Variants in MB21D2 observed in about 807,000 individuals in gnomAD.
MB21D2 encodes Mab-21 domain containing 2.
MB21D2 carries 9 observed loss-of-function variants against 33.3 expected under a neutral mutation model. The ratio of observed to expected loss-of-function variants is 0.27; its 90% confidence interval spans 0.16 to 0.47. MB21D2 has a LOEUF of 0.47. Among genes scored for constraint, MB21D2 ranks in the 20% least tolerant of loss-of-function variants. The pLI is 0.99. For synonymous variants in MB21D2, 241 were observed against 236.3 expected (o/e 1.02, Z -0.18); for missense variants, 540 against 624.6 (o/e 0.86, Z 1.44).
At chr3:192,884,370 T>G (rs781210092) in intron 1 of MB21D2, among the ~76,000 whole-genome samples, 1 of 151,942 alleles carries the variant, frequency 6.6e-6, no homozygotes, top group African/African-American at 2.4e-5. Context: ...GCATGTCTTT[T>G]TTGTTGTTGT....
chr3:192,799,058 G>A lies in MB21D2; in HGVS notation c.804C>T (p.Ile268=). The part of the protein sequence containing the change: ...WDGKITEEEV[I]SGFYLVPACS... ...AAGCAGGCACCAAGTAAAACCCACT[G>A]ATGACCTCTTCCTCAGTAATCTTCC... The change falls in exon 2 of 2, where the codon ATC becomes ATT. Residue 268 remains isoleucine, a synonymous_variant. Coordinates refer to ENST00000392452, the MANE Select transcript of MB21D2 (RefSeq NM_178496.4). The surrounding 1 kb of genome is among the most constrained non-coding windows in gnomAD (Gnocchi z 4.1). 2 of 1,614,070 alleles carry A rather than the reference G, an allele frequency of 1.2e-6. No homozygotes were observed. The highest frequency in any genetic ancestry group is 1.1e-5 in the South Asian group (1 of 91,066).
intron 1 of MB21D2, among the ~76,000 whole-genome samples, chr3:192,908,399 C>CTTT (rs201114331): frequency 2.2e-5 from 3 of 137,880 alleles, no homozygotes; most frequent in Admixed American, 7.3e-5. Flanking sequence ...AAATTTTCTT[C>CTTT]TTTTTTTTTT....
In MB21D2 at chr3:192,828,491, G is replaced by A. The variant is rs1577175161; in HGVS notation, c.212-28841C>T. Among the ~76,000 whole-genome samples the A allele has an allele frequency of 4.0e-5, 6 of 149,162 alleles. No individual in the cohort carries two copies. In the South Asian group the frequency reaches 1.1e-3, roughly 26 times the overall value. On this transcript the variant is annotated intron_variant, in intron 1 of 1. Coordinates refer to ENST00000392452, the MANE Select transcript of MB21D2 (RefSeq NM_178496.4). ...CAAGTCATTTCCTCATCTGGGGCCT[G>A]TTTTCTCATTTGGAAAATGGTAGAT...
At position 192,832,249 on chromosome 3, in the gene MB21D2, T is replaced by C. The variant is rs181512288; in HGVS notation, c.212-32599A>G. The stretch of plus-strand genomic sequence containing the variant: ...AACACTGATCTAAACAAGATAATAT[T>C]GACACACTTACTGATATTTTTTCTT... On this transcript the variant is annotated intron_variant, in intron 1 of 1. Transcript: ENST00000392452. 2.7e-3 allele frequency among the ~76,000 whole-genome samples: 410 copies of C among 152,280 alleles called. 4 individuals are homozygous for C. Among genetic ancestry groups the C allele is most frequent in the Admixed American group, 0.023 (355 of 15,288 alleles).
intron 1 of MB21D2, among the ~76,000 whole-genome samples, chr3:192,869,343 G>A (rs143077087): frequency 0.098 from 12,450 of 127,594 alleles, 758 homozygotes; most frequent in Non-Finnish European, 0.15. Context: ...GGAGGGAAGG[G>A]AGGAAGGGAG....
intron 1 of MB21D2, among the ~76,000 whole-genome samples, chr3:192,819,668 AAAAT>A (rs2108615702): frequency 6.6e-6 from 1 of 152,352 alleles, no homozygotes; most frequent in East Asian, 1.9e-4. Context: ...CCTCAGCAGA[AAAAT>A]AAATCAGTGC....
chr3:192,856,984 A>G (rs6803933), intron 1 of MB21D2, among the ~76,000 whole-genome samples: 2 of 152,224 alleles, frequency 1.3e-5, no homozygotes, highest in African/African-American at 2.4e-5. Context: ...CTAAAACATA[A>G]GCAAAGGAAA....
intron 1 of MB21D2, among the ~76,000 whole-genome samples, chr3:192,843,709 T>C (rs1712621371): frequency 6.6e-6 from 1 of 152,160 alleles, no homozygotes; most frequent in Non-Finnish European, 1.5e-5. Context: ...ACTTTCTGGC[T>C]TTACCACTTA....
chr3:192,875,048 T>C (rs1713400343), intron 1 of MB21D2, among the ~76,000 whole-genome samples: 1 of 152,084 alleles, frequency 6.6e-6, no homozygotes, highest in Non-Finnish European at 1.5e-5. Context: ...CTATTTATCC[T>C]AATTTGGGTG....
At chr3:192,831,239 C>G (rs1712308287) in intron 1 of MB21D2, among the ~76,000 whole-genome samples, 2 of 152,130 alleles carry the variant, frequency 1.3e-5, no homozygotes, top group East Asian at 3.9e-4. Flanking sequence ...GGGGATGAGC[C>G]GAGGCCTCCC....
chr3:192,886,939 G>A lies in MB21D2; in HGVS notation c.211+30691C>T, dbSNP rs531807943. On this transcript the variant is annotated intron_variant, in intron 1 of 1. Coordinates refer to ENST00000392452, the MANE Select transcript of MB21D2 (RefSeq NM_178496.4). ...TCTGTTTTCTGAAATTAGAAGACTGGAAATTACAAAGTCTTCATTTAAAAT... is the reference window on the plus strand; with the variant it reads ...TCTGTTTTCTGAAATTAGAAGACTGAAAATTACAAAGTCTTCATTTAAAAT... Among the ~76,000 whole-genome samples the A allele has an allele frequency of 3.3e-5, 5 of 151,520 alleles. No individual in the cohort carries two copies. The East Asian group carries it at 9.7e-4, about 29-fold the overall frequency.
chr3:192,831,655 T>A (rs978515467), intron 1 of MB21D2, among the ~76,000 whole-genome samples: 1 of 152,142 alleles, frequency 6.6e-6, no homozygotes, highest in African/African-American at 2.4e-5. Flanking sequence ...ATCACTAGAA[T>A]AGTGAAAAAT....
At chr3:192,900,735 G>C (rs367768508) in intron 1 of MB21D2, among the ~76,000 whole-genome samples, 109 of 152,264 alleles carry the variant, frequency 7.2e-4, no homozygotes, top group Middle Eastern at 3.4e-3. Flanking sequence ...GAGGTCAGGA[G>C]TTCGAGACAA....
intron 1 of MB21D2, among the ~76,000 whole-genome samples, chr3:192,870,731 AGAAG>A (rs71177381): frequency 6.8e-5 from 9 of 132,800 alleles, no homozygotes; most frequent in Admixed American, 4.9e-4. Flanking sequence ...GAAGGAGAGA[AGAAG>A]GAAGGAAGGA....
At position 192,902,374 on chromosome 3, in the gene MB21D2, C is replaced by G. The variant is rs577113106; in HGVS notation, c.211+15256G>C. On this transcript the variant is annotated intron_variant, in intron 1 of 1. Coordinates refer to ENST00000392452, the MANE Select transcript of MB21D2 (RefSeq NM_178496.4). Reference sequence around the variant, plus strand: ...GACTGCCGATGTCTGAATCCAGCCTCTATCACTAGCTTGAGCAAGGTGATT... The same window carrying G: ...GACTGCCGATGTCTGAATCCAGCCTGTATCACTAGCTTGAGCAAGGTGATT... Among the ~76,000 whole-genome samples, 101 of 152,322 alleles carry G rather than the reference C, an allele frequency of 6.6e-4. 2 individuals carry two copies. In the South Asian group the frequency reaches 0.013, roughly 19 times the overall value.
intron 1 of MB21D2, among the ~76,000 whole-genome samples, chr3:192,819,983 G>A (rs1262332714): frequency 3.3e-5 from 5 of 152,108 alleles, no homozygotes; most frequent in African/African-American, 1.2e-4. Flanking sequence ...AGGGGGTAGG[G>A]GAATCAGCTC....
At chr3:192,811,512 T>C (rs1553855165) in intron 1 of MB21D2, among the ~76,000 whole-genome samples, 2 of 152,210 alleles carry the variant, frequency 1.3e-5, no homozygotes, top group Non-Finnish European at 2.9e-5. Flanking sequence ...CAATCAGTTA[T>C]AGATCCATTA....
chr3:192,846,261 C>G (rs1411812962), intron 1 of MB21D2, among the ~76,000 whole-genome samples: 1 of 151,938 alleles, frequency 6.6e-6, no homozygotes, highest in Non-Finnish European at 1.5e-5. Flanking sequence ...TTCTTCCATG[C>G]ACATCTGAGA....
chr3:192,857,029 A>T (rs1242479950), intron 1 of MB21D2, among the ~76,000 whole-genome samples: 1 of 152,220 alleles, frequency 6.6e-6, no homozygotes, highest in Non-Finnish European at 1.5e-5. Context: ...AAACAAGAAA[A>T]AAGTACTTGC....
Sources: gnomAD v4.1 joint callset for allele counts (sites outside exome capture counted in the v4.1 genomes callset) on GRCh38, gnomAD v4.1.1 for gene constraint, Gnocchi (gnomAD v3.1) non-coding constraint, MANE v1.5 for transcripts, NCBI Gene and HGNC (gene_info 2026-07-23, HGNC 2026-07-21) for gene names.